C2orf72: variants seen among roughly 807,000 people sequenced by gnomAD.
The protein encoded by C2orf72 is chromosome 2 open reading frame 72, also known as uncharacterized protein C2orf72.
In C2orf72, 16 loss-of-function variants were observed where a neutral mutation model predicts 14.4. That is an observed-to-expected ratio of 1.11 (90% CI 0.75 to 1.69). The LOEUF (loss-of-function observed/expected upper bound fraction) is 1.69, where lower values mean the gene tolerates loss of function less well. Ranked by LOEUF, C2orf72 falls within the 40% of genes most tolerant of loss-of-function variation. C2orf72 has a pLI of 0.00. For missense variants in C2orf72, 371 were observed against 358.3 expected (o/e 1.04, Z -0.29); for synonymous variants, 168 against 176.8 (o/e 0.95, Z 0.40).
At position 231,047,380 on chromosome 2, in the gene C2orf72, C is replaced by G; in HGVS notation, c.*359C>G. 1 of 372,106 alleles carries G rather than the reference C, an allele frequency of 2.7e-6. No individual in the cohort carries two copies. Among genetic ancestry groups the G allele is most frequent in the Middle Eastern group, 9.0e-4 (1 of 1,108 alleles). The allele number at this position is 372,106 out of a possible 1,614,324, so 23.1% of individuals were successfully genotyped here. A position where few individuals can be genotyped will look rare whatever the true frequency, so the allele number is the denominator to read the frequency against. On this transcript the variant is annotated 3_prime_UTR_variant, in exon 3 of 3. Coordinates refer to ENST00000373640, the MANE Select transcript of C2orf72 (RefSeq NM_001144994.2). ...GTGTTCTGGGCACATGCATGGGCAC[C>G]CATCGTTGAGAGTGCAGCTGGGAAG...
In C2orf72 at chr2:231,047,317, G is replaced by A. The variant is rs1693432329; in HGVS notation, c.*296G>A. 1 of 463,814 alleles carries A rather than the reference G, an allele frequency of 2.2e-6. No individual in the cohort carries two copies. Among genetic ancestry groups the A allele is most frequent in the Non-Finnish European group, 4.1e-6 (1 of 242,656 alleles). The allele number at this position is 463,814 out of a possible 1,614,324, so 28.7% of individuals were successfully genotyped here. A position where few individuals can be genotyped will look rare whatever the true frequency, so the allele number is the denominator to read the frequency against. Reference sequence around the variant, plus strand: ...TGAGACAGATGGCTGTCCGCTTTGAGGCTCTGCAGAGCTGTGGCACCCCAT... The same window carrying A: ...TGAGACAGATGGCTGTCCGCTTTGAAGCTCTGCAGAGCTGTGGCACCCCAT... On this transcript the variant is annotated 3_prime_UTR_variant, in exon 3 of 3. Coordinates refer to ENST00000373640, the MANE Select transcript of C2orf72 (RefSeq NM_001144994.2).
intron 2 of C2orf72, among the ~76,000 whole-genome samples, chr2:231,044,684 T>C (rs1265721880): frequency 2.0e-5 from 3 of 148,242 alleles, no homozygotes; most frequent in African/African-American, 2.5e-5. Flanking sequence ...TTTTTTTTTT[T>C]TTTTGCTAAA....
intron 2 of C2orf72, among the ~76,000 whole-genome samples, chr2:231,044,625 C>A (rs991161869): frequency 1.4e-5 from 2 of 138,828 alleles, no homozygotes; most frequent in East Asian, 4.3e-4. Context: ...AAAATATTTT[C>A]TTTCTTTATA....
intron 2 of C2orf72, among the ~76,000 whole-genome samples, chr2:231,046,674 AATT>A (rs1693420020): frequency 6.6e-6 from 1 of 152,176 alleles, no homozygotes; most frequent in East Asian, 1.9e-4. Context: ...CAGTTCCACT[AATT>A]ATTCCTAATT....
In C2orf72 at chr2:231,041,415, T is replaced by C; in HGVS notation, c.748+6T>C. On this transcript the variant is annotated splice_donor_region_variant and intron_variant, in intron 2 of 2. Coordinates refer to ENST00000373640, the MANE Select transcript of C2orf72 (RefSeq NM_001144994.2). ...CTGCAGAAGCTCAGCTCAGGGTGAG[T>C]GCTCCCCGACCTCCTGCATCCTGAG... 6.5e-7 allele frequency: 1 copy of C among 1,545,362 alleles called. No individual in the cohort carries two copies. The highest frequency in any genetic ancestry group is 8.8e-7 in the Non-Finnish European group (1 of 1,142,012).
At chr2:231,044,449 A>G (rs1302302906) in intron 2 of C2orf72, among the ~76,000 whole-genome samples, 4 of 152,170 alleles carry the variant, frequency 2.6e-5, no homozygotes, top group African/African-American at 9.7e-5. Context: ...TCGAGGCTAC[A>G]GTGATCCGTA....
At chr2:231,040,979 G>T in intron 1 of C2orf72, 1 of 192,362 alleles carries the variant, frequency 5.2e-6, no homozygotes, top group Non-Finnish European at 1.1e-5. Context: ...GCAGCTCTTT[G>T]AGTATTTTGT....
intron 1 of C2orf72, among the ~76,000 whole-genome samples, chr2:231,039,308 A>AAG (rs1693307961): frequency 6.9e-6 from 1 of 145,286 alleles, no homozygotes; most frequent in African/African-American, 2.5e-5. Context: ...ATGTACCCTA[A>AAG]AACTTAAAGT....
At position 231,049,692 on chromosome 2, in the gene C2orf72, C is replaced by T. The variant is rs1429261314; in HGVS notation, c.*2671C>T. On this transcript the variant is annotated 3_prime_UTR_variant, in exon 3 of 3. Coordinates refer to ENST00000373640, the MANE Select transcript of C2orf72 (RefSeq NM_001144994.2). ...TCATATCTAATAAAACCAAGAAGTA[C>T]CTCGTTGATATCTTATAGAAAACAA... The T allele has an allele frequency of 6.6e-6, 1 of 152,012 alleles. No individual in the cohort carries two copies. The highest frequency in any genetic ancestry group is 1.5e-5 in the Non-Finnish European group (1 of 68,018). 9.4% of individuals were successfully genotyped at this position (152,012 alleles called of 1,614,324 possible).
chr2:231,043,157 C>T (rs1439350898), intron 2 of C2orf72, among the ~76,000 whole-genome samples: 1 of 152,242 alleles, frequency 6.6e-6, no homozygotes. Context: ...ACAAGAGATC[C>T]TCCTTCAATC....
At chr2:231,043,577 T>C (rs1693372229) in intron 2 of C2orf72, among the ~76,000 whole-genome samples, 4 of 152,222 alleles carry the variant, frequency 2.6e-5, no homozygotes, top group Non-Finnish European at 5.9e-5. Flanking sequence ...ATATTTAAAA[T>C]GTTTAATTGC....
Position 231,038,084 on chromosome 2 carries a change from C to G in C2orf72, c.519C>G (p.Arg173=). 1 of 1,144,284 alleles carries G rather than the reference C, an allele frequency of 8.7e-7. No homozygotes were observed. The highest frequency in any genetic ancestry group is 1.1e-6 in the Non-Finnish European group (1 of 932,456). The allele number at this position is 1,144,284 out of a possible 1,614,324, so 70.9% of individuals were successfully genotyped here. A position where few individuals can be genotyped will look rare whatever the true frequency, so the allele number is the denominator to read the frequency against. ...LEALLRAVFG[R]QAGGPVQAAA... ...CGCTGTTGCGCGCCGTGTTCGGCCG[C>G]CAGGCGGGGGGGCCCGTGCAGGCGG... The change falls in exon 1 of 3, where the codon CGC becomes CGG. Residue 173 remains arginine, a synonymous_variant. Transcript: ENST00000373640.
At chr2:231,044,979 A>G (rs1693395541) in intron 2 of C2orf72, among the ~76,000 whole-genome samples, 1 of 149,896 alleles carries the variant, frequency 6.7e-6, no homozygotes, top group South Asian at 2.1e-4. Flanking sequence ...ACACACACAT[A>G]TAAGTAGAGG....
At chr2:231,038,275 C>A in intron 1 of C2orf72, 76 bp downstream of exon 1, 1 of 1,091,832 alleles carries the variant, frequency 9.2e-7, no homozygotes. Context: ...ACCCCTTTGG[C>A]CATTCCCTTA....
rs1693440645 is a variant in C2orf72, at chr2:231,047,962, A to G, written c.*941A>G. ...GGTATAAGGATGCTAGGGAATTCCT[A>G]TAGGCACCAAACAGAAGGAAAGCTA... On this transcript the variant is annotated 3_prime_UTR_variant, in exon 3 of 3. Coordinates refer to ENST00000373640, the MANE Select transcript of C2orf72 (RefSeq NM_001144994.2). 1 of 152,218 alleles carries G rather than the reference A, an allele frequency of 6.6e-6. No homozygotes were observed. Among genetic ancestry groups the G allele is most frequent in the South Asian group, 2.1e-4 (1 of 4,832 alleles). 9.4% of individuals were successfully genotyped at this position (152,218 alleles called of 1,614,324 possible). A position where few individuals can be genotyped will look rare whatever the true frequency, so the allele number is the denominator to read the frequency against.
intron 2 of C2orf72, among the ~76,000 whole-genome samples, chr2:231,043,013 T>C (rs1014749410): frequency 2.0e-5 from 3 of 152,090 alleles, no homozygotes; most frequent in African/African-American, 7.2e-5. Flanking sequence ...TCAAAATAAA[T>C]AAATAAATAA....
intron 2 of C2orf72, 77 bp downstream of exon 2, chr2:231,041,486 C>A: frequency 8.8e-7 from 1 of 1,139,104 alleles, no homozygotes. Flanking sequence ...AACTTGGGGA[C>A]CTTAGGGACA....
Position 231,037,748 on chromosome 2 carries a change from A to G in C2orf72, c.183A>G (p.Pro61=), listed in dbSNP as rs1048512823. The G allele has an allele frequency of 7.0e-6, 7 of 1,000,868 alleles. No individual in the cohort carries two copies. Among genetic ancestry groups the G allele is most frequent in the Non-Finnish European group, 8.3e-6 (7 of 842,370 alleles). 62.0% of individuals were successfully genotyped at this position (1,000,868 alleles called of 1,614,324 possible). The part of the protein sequence containing the change: ...DFARAVFPPE[P]GAAKPGGAAA... ...CACGGGCGGTGTTCCCGCCGGAGCC[A>G]GGCGCGGCCAAGCCGGGCGGCGCGG... Residue 61 remains proline (P), a synonymous_variant, in exon 1 of 3, where the codon CCA becomes CCG. Transcript: ENST00000373640.
At chr2:231,045,099 C>T (rs1332334959) in intron 2 of C2orf72, among the ~76,000 whole-genome samples, 1 of 151,610 alleles carries the variant, frequency 6.6e-6, no homozygotes. Flanking sequence ...CCCATCTCTA[C>T]TAAAAATACA....
Sources: allele counts gnomAD v4.1 joint callset (sites outside exome capture counted in the v4.1 genomes callset), GRCh38; gene constraint gnomAD v4.1.1; transcripts MANE v1.5; gene names NCBI Gene and HGNC (gene_info 2026-07-23, HGNC 2026-07-21).